Variants in TNS1 observed in about 807,000 individuals in gnomAD.
TNS1 encodes tensin 1, also known as tensin-1.
TNS1 carries 62 observed loss-of-function variants against 168.6 expected under a neutral mutation model. The observed-to-expected ratio is 0.37, with a 90% confidence interval of 0.30 to 0.45. The LOEUF (loss-of-function observed/expected upper bound fraction) is 0.45, where lower values mean the gene tolerates loss of function less well. Ranked by LOEUF, TNS1 falls within the 20% of genes least tolerant of loss-of-function variation. The pLI, the probability that TNS1 is intolerant of heterozygous loss-of-function variation, is 1.00. For missense variants in TNS1, 2,240 were observed against 2,339.4 expected, an observed-to-expected ratio of 0.96 and a Z score of 0.88; for synonymous variants, 934 against 933.2, an observed-to-expected ratio of 1.00 and a Z score of -0.02.
chr2:217,902,246 C>T (rs1953086159), intron 6 of TNS1, among the ~76,000 whole-genome samples: 1 of 152,176 alleles, frequency 6.6e-6, no homozygotes, highest in Non-Finnish European at 1.5e-5. Flanking sequence ...CCCTGAATCT[C>T]CCCAGGCCCT....
At chr2:217,874,312 C>T (rs3791948) in intron 18 of TNS1, among the ~76,000 whole-genome samples, 67,262 of 151,964 alleles carry the variant, frequency 0.44, 15,796 homozygotes, top group African/African-American at 0.6. Context: ...CACCCACCTA[C>T]AGGTGTTTGG....
chr2:217,929,073 GACA>G (rs1374277055), intron 3 of TNS1, among the ~76,000 whole-genome samples: 2 of 152,308 alleles, frequency 1.3e-5, no homozygotes, highest in African/African-American at 4.8e-5. Flanking sequence ...GTCAGAAGCT[GACA>G]ACAACAAGGG....
chr2:217,950,954 TC>T (rs1214685060), intron 3 of TNS1, among the ~76,000 whole-genome samples: 4 of 152,080 alleles, frequency 2.6e-5, no homozygotes, highest in Middle Eastern at 3.4e-3. Flanking sequence ...TGCACCCTCC[TC>T]CGCTCCCTAG....
Position 217,831,512 on chromosome 2 carries a change from A to G in TNS1, c.3316T>C (p.Ser1106Pro). 1 of 1,568,304 alleles carries G rather than the reference A, an allele frequency of 6.4e-7. No homozygotes were observed. The highest frequency in any genetic ancestry group is 8.6e-7 in the Non-Finnish European group (1 of 1,160,036). Residue 1106 changes from serine (S) to proline (P), a missense_variant, in exon 22 of 33, where the codon TCT becomes CCT. Transcript: ENST00000682258. ...TTGTGAGGTTTCAGGCCCAGAGCAG[A>G]CAGGGGTGTCTTGGCCAGACCCGGG... ...SPPGLAKTPLSALGLKPHNPA... is the reference protein window; with the variant it reads ...SPPGLAKTPLPALGLKPHNPA...
upstream of TNS1, among the ~76,000 whole-genome samples, chr2:218,007,247 C>T (rs1478233699): frequency 1.3e-5 from 2 of 152,172 alleles, no homozygotes; most frequent in Non-Finnish European, 2.9e-5. Context: ...TTCTGGTATT[C>T]TCCCCCTTCC....
intron 4 of TNS1, among the ~76,000 whole-genome samples, chr2:217,918,189 CT>C (rs1184411066): frequency 1.3e-5 from 2 of 152,212 alleles, no homozygotes; most frequent in Admixed American, 1.3e-4. Context: ...TCACTTTGGT[CT>C]TTTGGCAGGC....
Position 217,948,271 on chromosome 2 carries a change from A to T in TNS1, c.187-28035T>A, listed in dbSNP as rs1326600127. On this transcript the variant is annotated intron_variant, in intron 3 of 32. Coordinates refer to ENST00000682258, the MANE Select transcript of TNS1 (RefSeq NM_001387777.1). The surrounding 1 kb of genome is among the most constrained non-coding windows in gnomAD (Gnocchi z 4.1). Reference sequence around the variant, plus strand: ...GGTGGGAAGTGTTAGTCTCTGGGGCAATTACTGGAGCCGCCTCCTCTAGCA... The same window carrying T: ...GGTGGGAAGTGTTAGTCTCTGGGGCTATTACTGGAGCCGCCTCCTCTAGCA... Among the ~76,000 whole-genome samples, 1 of 152,092 alleles carries T rather than the reference A, an allele frequency of 6.6e-6. No homozygotes were observed. The highest frequency in any genetic ancestry group is 2.4e-5 in the African/African-American group (1 of 41,404).
intron 6 of TNS1, among the ~76,000 whole-genome samples, chr2:217,905,614 G>A (rs185176309): frequency 4.6e-5 from 7 of 152,348 alleles, no homozygotes; most frequent in East Asian, 3.9e-4. Context: ...AGCCCAGGGC[G>A]GGTGAAGACG....
chr2:218,006,553 G>A (rs1054132280), upstream of TNS1, among the ~76,000 whole-genome samples: 2 of 152,230 alleles, frequency 1.3e-5, no homozygotes, highest in Non-Finnish European at 2.9e-5. Flanking sequence ...AGCTGGAAAG[G>A]TCTTCAAGCT....
At chr2:217,899,431 A>T (rs917134719) in intron 7 of TNS1, among the ~76,000 whole-genome samples, 6 of 152,190 alleles carry the variant, frequency 3.9e-5, no homozygotes, top group African/African-American at 1.4e-4. Context: ...AGCCACACGC[A>T]CACATACCTG....
At chr2:217,832,926 A>G (rs933435100) in intron 21 of TNS1, among the ~76,000 whole-genome samples, 1 of 152,024 alleles carries the variant, frequency 6.6e-6, no homozygotes, top group Non-Finnish European at 1.5e-5. Context: ...CTTTACATAG[A>G]CACACACACA....
intron 19 of TNS1, among the ~76,000 whole-genome samples, chr2:217,839,067 TAC>T (rs71057583): frequency 2.8e-4 from 41 of 146,362 alleles, no homozygotes; most frequent in African/African-American, 2.9e-4. Flanking sequence ...TGCATGTACA[TAC>T]ACACACACAC....
intron 22 of TNS1, among the ~76,000 whole-genome samples, chr2:217,828,213 G>A (rs373051336): frequency 1.3e-5 from 2 of 152,218 alleles, no homozygotes; most frequent in African/African-American, 2.4e-5. Context: ...TGGCCCACCT[G>A]TTCTGTCTCT....
Position 217,836,177 on chromosome 2 carries a change from G to T in TNS1, c.3042C>A (p.Pro1014=), listed in dbSNP as rs1191841070. 12 of 1,612,962 alleles carry T rather than the reference G, an allele frequency of 7.4e-6. No homozygotes were observed. Among genetic ancestry groups the T allele is most frequent in the African/African-American group, 2.7e-5 (2 of 74,874 alleles). ...CCGCCCGCCTCCGCAGAGGGGCTGG[G>T]GGCTCTGCAGGCTGCTTCTCCCGAG... ...VQAREKQPAE[P]PAPLRRRAAS... is the part of the protein sequence containing the mutation. The change falls in exon 20 of 33, where the codon CCC becomes CCA. Residue 1014 remains proline, a synonymous_variant. Transcript: ENST00000682258.
intron 3 of TNS1, among the ~76,000 whole-genome samples, chr2:217,946,997 TA>T (rs1293447830): frequency 4.6e-5 from 4 of 87,588 alleles, no homozygotes; most frequent in African/African-American, 3.7e-4. Flanking sequence ...ACACACACAG[TA>T]AAAACTGCTC....
At chr2:217,915,385 G>A (rs1449958744) in intron 4 of TNS1, among the ~76,000 whole-genome samples, 3 of 152,200 alleles carry the variant, frequency 2.0e-5, no homozygotes, top group Non-Finnish European at 4.4e-5. Flanking sequence ...ACTAGATAGC[G>A]TCCAAAGTCC....
chr2:217,899,983 C>T (rs1203764744), intron 7 of TNS1, among the ~76,000 whole-genome samples: 2 of 152,218 alleles, frequency 1.3e-5, no homozygotes, highest in South Asian at 2.1e-4. Flanking sequence ...CCCCTTCCCC[C>T]GGCCCCTGCC....
At position 217,805,206 on chromosome 2, in the gene TNS1, A is replaced by C. The variant is rs74897150; in HGVS notation, c.5376-603T>G. Among the ~76,000 whole-genome samples, 935 of 150,492 alleles carry C rather than the reference A, an allele frequency of 6.2e-3. 11 individuals carry two copies. The highest frequency in any genetic ancestry group is 0.022 in the African/African-American group (888 of 40,936). ...ACCCGCAGGACTGGAGTGACCCAGC[A>C]TTCTCTTCGCAAAACAGAGTTAAAA... On this transcript the variant is annotated intron_variant, in intron 32 of 32. Transcript: ENST00000682258.
chr2:217,941,998 ATCT>A (rs887796641), intron 3 of TNS1, among the ~76,000 whole-genome samples: 2 of 152,040 alleles, frequency 1.3e-5, no homozygotes, highest in African/African-American at 2.4e-5. Flanking sequence ...AAACAATAAC[ATCT>A]TCTCTGAACC....
Sources: gnomAD v4.1 joint callset for allele counts (sites outside exome capture counted in the v4.1 genomes callset) on GRCh38, gnomAD v4.1.1 for gene constraint, Gnocchi (gnomAD v3.1) non-coding constraint, MANE v1.5 for transcripts, NCBI Gene and HGNC (gene_info 2026-07-23, HGNC 2026-07-21) for gene names.